CCM2: variants seen among roughly 807,000 people sequenced by gnomAD.
CCM2 encodes CCM2 scaffold protein.
In CCM2, 25 loss-of-function variants were observed where a neutral mutation model predicts 44.9. That is an observed-to-expected ratio of 0.56 (90% CI 0.41 to 0.78). CCM2 has a LOEUF of 0.78. Ranked by LOEUF, CCM2 falls within the 30% of genes least tolerant of loss-of-function variation. The pLI is 0.00. For missense variants in CCM2, 481 were observed against 580.6 expected, an observed-to-expected ratio of 0.83 and a Z score of 1.76; for synonymous variants, 219 against 241.1, an observed-to-expected ratio of 0.91 and a Z score of 0.85.
chr7:45,002,050 C>T (rs1795658773), intron 1 of CCM2, among the ~76,000 whole-genome samples: 1 of 152,174 alleles, frequency 6.6e-6, no homozygotes, highest in Non-Finnish European at 1.5e-5. Flanking sequence ...AACACTACCT[C>T]GTGTACTCTG....
At position 45,064,584 on chromosome 7, in the gene CCM2, A is replaced by C. The variant is rs771971051; in HGVS notation, c.410A>C (p.His137Pro). The C allele has an allele frequency of 6.2e-7, 1 of 1,614,024 alleles. No individual in the cohort carries two copies. The highest frequency in any genetic ancestry group is 1.1e-5 in the South Asian group (1 of 91,070). The change falls in exon 4 of 10, where the codon CAT (histidine) becomes CCT (proline). Residue 137 changes from histidine to proline, a missense_variant. Physicochemically the swap from His to Pro is moderately conservative, Grantham distance 77 (BLOSUM62 -2). Transcript: ENST00000258781. ...GEDIILRVPI[H>P]DIAAVSYVRD... ...GATATCATCCTCAGGGTGCCCATCC[A>C]TGACATCGCCGCCGTCTCCTATGTT...
At position 45,069,877 on chromosome 7, in the gene CCM2, T is replaced by G. The variant is rs1367070482; in HGVS notation, c.661T>G (p.Tyr221Asp). 1 of 1,614,226 alleles carries G rather than the reference T, an allele frequency of 6.2e-7. No individual in the cohort carries two copies. Among genetic ancestry groups the G allele is most frequent in the African/African-American group, 1.3e-5 (1 of 75,074 alleles). ...GCTAGGCCAGGTCTTCCAGGTTGTT[T>G]ACACGGAGTCCACCATCGACTTTCT... is the stretch of plus-strand genomic sequence containing the variant. ...CLLGQVFQVV[Y>D]TESTIDFLDR... Residue 221 changes from tyrosine (Y) to aspartate (D), a missense_variant, in exon 6 of 10, where the codon TAC (tyrosine) becomes GAC (aspartate). Transcript: ENST00000258781.
At chr7:45,051,608 G>C (rs1798012043) in intron 2 of CCM2, among the ~76,000 whole-genome samples, 1 of 141,724 alleles carries the variant, frequency 7.1e-6, no homozygotes, top group African/African-American at 2.7e-5. Context: ...TGTCTCCCAG[G>C]CTGTAGTGGT....
At chr7:45,025,599 TCTCAC>T (rs1796656061) in intron 1 of CCM2, among the ~76,000 whole-genome samples, 2 of 151,480 alleles carry the variant, frequency 1.3e-5, no homozygotes, top group Non-Finnish European at 2.9e-5. Context: ...AATGGCGTGA[TCTCAC>T]CTCACCGCAA....
chr7:45,042,653 T>C (rs1797567634), intron 2 of CCM2, among the ~76,000 whole-genome samples: 1 of 152,102 alleles, frequency 6.6e-6, no homozygotes, highest in African/African-American at 2.4e-5. Context: ...ATCAAAAGGA[T>C]AATGAGAGAA....
At chr7:45,041,866 A>T (rs1445628317) in intron 2 of CCM2, among the ~76,000 whole-genome samples, 1 of 152,188 alleles carries the variant, frequency 6.6e-6, no homozygotes, top group African/African-American at 2.4e-5. Context: ...CCAGGGAAGA[A>T]TCAGTGGAAG....
intron 2 of CCM2, among the ~76,000 whole-genome samples, chr7:45,041,887 A>G (rs139696456): frequency 1.3e-5 from 2 of 152,240 alleles, no homozygotes; most frequent in East Asian, 1.9e-4. Context: ...CCACATGGGG[A>G]ACCAGAACTC....
At chr7:45,005,197 G>T (rs937979114) in intron 1 of CCM2, among the ~76,000 whole-genome samples, 2 of 152,210 alleles carry the variant, frequency 1.3e-5, no homozygotes, top group Non-Finnish European at 2.9e-5. Context: ...GAGGTGCTCA[G>T]CAGAGAACCT....
At chr7:45,014,561 C>T (rs1315859336) in intron 1 of CCM2, among the ~76,000 whole-genome samples, 1 of 152,130 alleles carries the variant, frequency 6.6e-6, no homozygotes, top group African/African-American at 2.4e-5. Context: ...TGTCCTCCCA[C>T]CTCTGCCTCC....
rs575822690 is a variant in CCM2 at position 45,037,172 on chromosome 7, C to T, written c.31-1081C>T. ...TTCCCCCCAGACCCCCACCCCCCGC[C>T]GCCATTGTCAAAGGTGGTGATGAAA... On this transcript the variant is annotated intron_variant, in intron 1 of 9. Transcript: ENST00000258781. 7.9e-5 allele frequency among the ~76,000 whole-genome samples: 12 copies of T among 151,684 alleles called. No homozygotes were observed. The South Asian group carries it at 1.9e-3, about 24-fold the overall frequency.
chr7:45,071,260 G>A (rs1278400560), intron 6 of CCM2: 1 of 152,682 alleles, frequency 6.5e-6, no homozygotes, highest in Non-Finnish European at 1.5e-5. Context: ...TGGCCCTTGT[G>A]CTTTAAAATT....
chr7:45,007,577 CAG>C (rs1685411060), intron 1 of CCM2, among the ~76,000 whole-genome samples: 1 of 151,874 alleles, frequency 6.6e-6, no homozygotes, highest in Non-Finnish European at 1.5e-5. Context: ...TGTGCCCAAA[CAG>C]TAACAATTTT....
chr7:45,043,856 A>T, intron 2 of CCM2: 1 of 272,726 alleles, frequency 3.7e-6, no homozygotes, highest in South Asian at 3.2e-5. Flanking sequence ...AACTGTATTC[A>T]TTCAACCCTG....
intron 1 of CCM2, among the ~76,000 whole-genome samples, chr7:45,000,951 C>A (rs1795594032): frequency 2.0e-5 from 3 of 151,994 alleles, no homozygotes. Context: ...TTATAGTAGT[C>A]GATAAAGAAA....
At chr7:45,052,282 G>C (rs1798049914) in intron 2 of CCM2, among the ~76,000 whole-genome samples, 1 of 152,220 alleles carries the variant, frequency 6.6e-6, no homozygotes, top group Non-Finnish European at 1.5e-5. Context: ...TGGTCTCTTG[G>C]AGGGGATGAT....
intron 1 of CCM2, among the ~76,000 whole-genome samples, chr7:45,025,506 T>A (rs1796649363): frequency 6.6e-6 from 1 of 151,522 alleles, no homozygotes; most frequent in Non-Finnish European, 1.5e-5. Flanking sequence ...TTCTAAGATA[T>A]ATTTCTTGTT....
At chr7:45,039,341 A>T (rs1020193777) in intron 2 of CCM2, among the ~76,000 whole-genome samples, 1 of 152,240 alleles carries the variant, frequency 6.6e-6, no homozygotes, top group African/African-American at 2.4e-5. Flanking sequence ...AATGCCTGCA[A>T]CCAGGCCTTT....
At chr7:45,025,523 T>C (rs1796650196) in intron 1 of CCM2, among the ~76,000 whole-genome samples, 2 of 135,698 alleles carry the variant, frequency 1.5e-5, no homozygotes, top group African/African-American at 5.7e-5. Flanking sequence ...TGTTCTCTGT[T>C]CTCTCTTTTT....
At chr7:45,028,719 A>G (rs949934127) in intron 1 of CCM2, among the ~76,000 whole-genome samples, 1 of 152,010 alleles carries the variant, frequency 6.6e-6, no homozygotes, top group African/African-American at 2.4e-5. Flanking sequence ...CGGCTGTGTC[A>G]TACTTATCAT....
Sources: gnomAD v4.1 joint callset for allele counts (sites outside exome capture counted in the v4.1 genomes callset) on GRCh38, gnomAD v4.1.1 for gene constraint, MANE v1.5 for transcripts, NCBI Gene and HGNC (gene_info 2026-07-23, HGNC 2026-07-21) for gene names.